The following RIN3 variants were observed in gnomAD, a reference collection of about 807,000 sequenced individuals.
The protein encoded by RIN3 is RAB5 interacting protein 3.
Under a neutral mutation model 76.3 loss-of-function variants are expected in RIN3, and 54 were observed. That is an observed-to-expected ratio of 0.71 (90% confidence interval 0.57 to 0.89). RIN3 has a LOEUF of 0.89. Ranked by LOEUF, RIN3 falls within the 40% of genes least tolerant of loss-of-function variation. The probability of loss-of-function intolerance (pLI) is 0.00; values close to 1 mark genes in which losing one functional copy is unlikely to be tolerated. For synonymous variants in RIN3, 576 were observed against 564.0 expected, an observed-to-expected ratio of 1.02 and a Z score of -0.30; for missense variants, 1,256 against 1,322.1, an observed-to-expected ratio of 0.95 and a Z score of 0.78.
At chr14:92,564,831 C>T (rs902732649) in intron 2 of RIN3, among the ~76,000 whole-genome samples, 5 of 152,178 alleles carry the variant, frequency 3.3e-5, no homozygotes, top group South Asian at 2.1e-4. Flanking sequence ...CACACGCGCG[C>T]GCGCAGGAAC....
intron 4 of RIN3, among the ~76,000 whole-genome samples, chr14:92,628,792 A>T (rs1281132568): frequency 2.6e-5 from 4 of 152,140 alleles, no homozygotes; most frequent in South Asian, 2.1e-4. Flanking sequence ...CTCAGAAAAT[A>T]TTTTTTTTAA....
chr14:92,584,310 A>T (rs1167836740), intron 3 of RIN3, among the ~76,000 whole-genome samples: 1 of 152,200 alleles, frequency 6.6e-6, no homozygotes, highest in South Asian at 2.1e-4. Flanking sequence ...TTCAGGCGGG[A>T]AGAGAAAGCA....
Position 92,576,166 on chromosome 14 carries a change from G to T in RIN3, c.250-1194G>T, listed in dbSNP as rs1898221796. 2.5e-6 allele frequency: 3 copies of T among 1,195,734 alleles called. No individual in the cohort carries two copies. The African/African-American group carries it at 4.7e-5, about 19-fold the overall frequency. The allele number at this position is 1,195,734 out of a possible 1,614,324, so 74.1% of individuals were successfully genotyped here. On this transcript the variant is annotated intron_variant, in intron 2 of 9. Transcript: ENST00000216487. ...GGGAAGCTGTGCCACAGGAGGCTGG[G>T]GAGATTCCAGAAGGTGTCACCTGCC...
At chr14:92,591,072 C>T (rs184546583) in intron 3 of RIN3, among the ~76,000 whole-genome samples, 4 of 152,246 alleles carry the variant, frequency 2.6e-5, no homozygotes, top group Admixed American at 1.3e-4. Context: ...GTGCTAAGGA[C>T]TCTAATGGCT....
rs1195736886 is a variant in RIN3 at position 92,661,756 on chromosome 14, C to CAAAAAA, written c.2335+2288_2335+2289insAAAAAA. On this transcript the variant is annotated intron_variant, in intron 7 of 9. Coordinates refer to ENST00000216487, the MANE Select transcript of RIN3 (RefSeq NM_024832.5). ...ACACACACACACACACACACACACA[C>CAAAAAA]ACAAAAAATAGAATTGTGCTCCCCA... Among the ~76,000 whole-genome samples the CAAAAAA allele has an allele frequency of 2.0e-3, 236 of 118,768 alleles. 5 individuals carry two copies. The highest frequency in any genetic ancestry group is 0.017 in the East Asian group (73 of 4,194). The allele number at this position is 118,768 out of a possible 152,430, so 77.9% of individuals were successfully genotyped here.
At chr14:92,670,629 C>T (rs950356757) in intron 7 of RIN3, among the ~76,000 whole-genome samples, 2 of 152,212 alleles carry the variant, frequency 1.3e-5, no homozygotes, top group Non-Finnish European at 2.9e-5. Flanking sequence ...TTCTCACCAA[C>T]GTCAACAGCC....
rs918246005 is a variant in RIN3, at chr14:92,688,590, C to G, written c.*338C>G. 11 of 344,164 alleles carry G rather than the reference C, an allele frequency of 3.2e-5. No individual in the cohort carries two copies. In the East Asian group the frequency reaches 6.3e-4, roughly 20 times the overall value. The allele number at this position is 344,164 out of a possible 1,614,324, so 21.3% of individuals were successfully genotyped here. A position where few individuals can be genotyped will look rare whatever the true frequency, so the allele number is the denominator to read the frequency against. On this transcript the variant is annotated 3_prime_UTR_variant, in exon 10 of 10. Transcript: ENST00000216487. ...CCTCAGGCCATTCCCCATGAGTCCC[C>G]CACACCCACCCCATCCTCGGTCTTT...
At chr14:92,600,762 C>T (rs183737201) in intron 3 of RIN3, among the ~76,000 whole-genome samples, 4 of 152,342 alleles carry the variant, frequency 2.6e-5, no homozygotes, top group African/African-American at 9.6e-5. Flanking sequence ...TGAAACACGG[C>T]ATTGTTGGCA....
At chr14:92,599,580 C>T (rs1389030808) in intron 3 of RIN3, among the ~76,000 whole-genome samples, 1 of 152,092 alleles carries the variant, frequency 6.6e-6, no homozygotes, top group Non-Finnish European at 1.5e-5. Flanking sequence ...AGAGCAACCC[C>T]CTGGTGCCTG....
intron 3 of RIN3, among the ~76,000 whole-genome samples, chr14:92,585,614 G>A (rs1884743021): frequency 1.3e-5 from 2 of 152,160 alleles, no homozygotes; most frequent in Admixed American, 1.3e-4. Context: ...ACCTGAGCTA[G>A]TCCAGCAGGT....
intron 1 of RIN3, among the ~76,000 whole-genome samples, chr14:92,550,714 C>T (rs1204945670): frequency 6.6e-6 from 1 of 152,230 alleles, no homozygotes; most frequent in African/African-American, 2.4e-5. Context: ...TGAGCCACAG[C>T]GCCCAGCTTA....
intron 1 of RIN3, among the ~76,000 whole-genome samples, chr14:92,545,106 G>GGT (rs1897227987): frequency 1.2e-5 from 1 of 82,160 alleles, no homozygotes; most frequent in Non-Finnish European, 2.2e-5. Flanking sequence ...ACTTTCTGGT[G>GGT]TTTTTTTTTT....
At chr14:92,602,979 G>C (rs1014889771) in intron 3 of RIN3, among the ~76,000 whole-genome samples, 7 of 152,330 alleles carry the variant, frequency 4.6e-5, no homozygotes, top group Admixed American at 1.3e-4. Context: ...CTTGACCATG[G>C]CTGCTGAGTG....
At position 92,555,774 on chromosome 14, in the gene RIN3, GAGAGGA is replaced by G. The variant is rs376329535; in HGVS notation, c.84_89del (p.Glu28_Glu29del). On this transcript the variant is annotated inframe_deletion, in exon 2 of 10. Coordinates refer to ENST00000216487, the MANE Select transcript of RIN3 (RefSeq NM_024832.5). Reference sequence around the variant, plus strand: ...AGTCCGGTTCCAGTTGTTGGCAAAGGAGAGGAAGAGGAAGAGGAAGATGGCATGCGG... The same window carrying G: ...AGTCCGGTTCCAGTTGTTGGCAAAGGAGAGGAAGAGGAAGATGGCATGCGG... The G allele has an allele frequency of 6.7e-4, 1,078 of 1,614,160 alleles. 4 individuals are homozygous for G. The African/African-American group carries it at 9.9e-3, about 15-fold the overall frequency.
At chr14:92,601,011 A>G (rs1335957600) in intron 3 of RIN3, among the ~76,000 whole-genome samples, 1 of 152,178 alleles carries the variant, frequency 6.6e-6, no homozygotes, top group Non-Finnish European at 1.5e-5. Context: ...GTGGCTAGTG[A>G]GCACCTGAGA....
intron 5 of RIN3, among the ~76,000 whole-genome samples, chr14:92,651,237 C>T (rs541381254): frequency 2.6e-5 from 4 of 152,156 alleles, no homozygotes; most frequent in Non-Finnish European, 4.4e-5. Context: ...GCCTTCCCCA[C>T]GGCTCCAGAG....
chr14:92,676,166 G>T (rs889728931), intron 7 of RIN3, among the ~76,000 whole-genome samples: 2 of 151,946 alleles, frequency 1.3e-5, no homozygotes, highest in African/African-American at 4.8e-5. Flanking sequence ...GAATTTGTCT[G>T]TCAAGCAAGC....
chr14:92,605,193 G>T (rs1031248980), intron 3 of RIN3, among the ~76,000 whole-genome samples: 6 of 152,052 alleles, frequency 3.9e-5, no homozygotes, highest in Admixed American at 3.9e-4. Flanking sequence ...TTACAGGCGC[G>T]AGCCACCACT....
intron 2 of RIN3, among the ~76,000 whole-genome samples, chr14:92,561,040 A>ATATATATATATATATATATATATATATAT (rs1306892381): frequency 2.0e-3 from 31 of 15,396 alleles, no homozygotes; most frequent in Non-Finnish European, 3.2e-3. Flanking sequence ...AAAAAAAAAA[A>ATATATATATATATATATATATATATATAT]AAAAATATAT....
Sources: gnomAD v4.1 joint callset for allele counts (sites outside exome capture counted in the v4.1 genomes callset) on GRCh38, gnomAD v4.1.1 for gene constraint, MANE v1.5 for transcripts, NCBI Gene and HGNC (gene_info 2026-07-23, HGNC 2026-07-21) for gene names.